NEGR1: variants seen among roughly 807,000 people sequenced by gnomAD.
NEGR1 encodes neuronal growth regulator 1, also known as IgLON family member 4.
Under a neutral mutation model 40.9 loss-of-function variants are expected in NEGR1, and 10 were observed. The observed-to-expected ratio is 0.24, with a 90% CI of 0.15 to 0.42. NEGR1 has a LOEUF of 0.42. Ranked by LOEUF, NEGR1 falls within the 10% of genes least tolerant of loss-of-function variation. NEGR1 has a pLI of 1.00. For missense variants in NEGR1, 352 were observed against 438.9 expected (o/e 0.80, Z 1.77); for synonymous variants, 185 against 166.8 (o/e 1.11, Z -0.84).
At chr1:71,471,966 C>T (rs1324486891) in intron 6 of NEGR1, among the ~76,000 whole-genome samples, 3 of 152,098 alleles carry the variant, frequency 2.0e-5, no homozygotes, top group African/African-American at 7.2e-5. Context: ...CCTTTTACCT[C>T]CCCTGTGTTC....
At chr1:71,942,452 A>AATCTATATATATATATATAT (rs1645968359) in intron 1 of NEGR1, among the ~76,000 whole-genome samples, 2 of 34,262 alleles carry the variant, frequency 5.8e-5, no homozygotes, top group African/African-American at 1.9e-4. Context: ...AAATTCTTTA[A>AATCTATATATATATATATAT]ATCTATATAT....
intron 1 of NEGR1, among the ~76,000 whole-genome samples, chr1:72,157,250 C>T (rs1651394555): frequency 6.6e-6 from 1 of 152,106 alleles, no homozygotes; most frequent in African/African-American, 2.4e-5. Context: ...GGATTACAAG[C>T]GTGAGCCACC....
chr1:71,602,836 A>G lies in NEGR1; in HGVS notation c.788+8190T>C, dbSNP rs116426296. ...ATCTTTGTTTGACCCAATGTTTTCA[A>G]TGTAATAATATGTATTTGTGTCTCA... On this transcript the variant is annotated intron_variant, in intron 5 of 6. Transcript: ENST00000357731. Among the ~76,000 whole-genome samples the G allele has an allele frequency of 6.7e-3, 1,022 of 152,238 alleles. 3 individuals carry two copies. The highest frequency in any genetic ancestry group is 0.01 in the Non-Finnish European group (700 of 68,024).
intron 2 of NEGR1, among the ~76,000 whole-genome samples, chr1:71,810,236 C>T (rs1657946373): frequency 6.6e-6 from 1 of 152,064 alleles, no homozygotes; most frequent in Non-Finnish European, 1.5e-5. Context: ...GACCTAATGG[C>T]TGTTTTCCTA....
chr1:71,951,361 T>A (rs1287555413), intron 1 of NEGR1, among the ~76,000 whole-genome samples: 1 of 151,982 alleles, frequency 6.6e-6, no homozygotes, highest in Non-Finnish European at 1.5e-5. Flanking sequence ...CAGGCAACTG[T>A]AACAGGCAAA....
intron 6 of NEGR1, among the ~76,000 whole-genome samples, chr1:71,436,525 C>T (rs1375020133): frequency 6.6e-6 from 1 of 152,106 alleles, no homozygotes; most frequent in African/African-American, 2.4e-5. Flanking sequence ...GAAACTAAAG[C>T]AAATGCAAAA....
chr1:71,513,618 T>C (rs572549862), intron 6 of NEGR1, among the ~76,000 whole-genome samples: 2 of 152,176 alleles, frequency 1.3e-5, no homozygotes, highest in African/African-American at 2.4e-5. Flanking sequence ...AAAGTCCTAT[T>C]AGGTATATGT....
chr1:71,444,852 A>G (rs907211329), intron 6 of NEGR1, among the ~76,000 whole-genome samples: 3 of 152,226 alleles, frequency 2.0e-5, no homozygotes, highest in Non-Finnish European at 4.4e-5. Context: ...CCAAAAGGCA[A>G]CAAACTAACA....
chr1:71,969,604 T>C (rs1646239558), intron 1 of NEGR1, among the ~76,000 whole-genome samples: 1 of 152,218 alleles, frequency 6.6e-6, no homozygotes, highest in Admixed American at 6.5e-5. Flanking sequence ...CTTCCACACT[T>C]ACCATTGGGG....
At chr1:71,548,065 T>G (rs561314698) in intron 6 of NEGR1, among the ~76,000 whole-genome samples, 189 of 151,710 alleles carry the variant, frequency 1.2e-3, no homozygotes, top group African/African-American at 4.5e-3. Flanking sequence ...TGATCAAACC[T>G]CAGATAACTA....
At position 72,244,257 on chromosome 1, in the gene NEGR1, C is replaced by T. The variant is rs114801582; in HGVS notation, c.176+38062G>A. 3.0e-3 allele frequency among the ~76,000 whole-genome samples: 457 copies of T among 151,678 alleles called. 3 individuals carry two copies. The highest frequency in any genetic ancestry group is 0.01 in the African/African-American group (435 of 41,448). On this transcript the variant is annotated intron_variant, in intron 1 of 6. Transcript: ENST00000357731. ...TAAGATATACACCTTTTGGAATTTT[C>T]GTCTCTTAAATAACTTATTTAAGGT... is the stretch of plus-strand genomic sequence containing the variant.
chr1:71,568,847 TG>T (rs1557570383), intron 6 of NEGR1, among the ~76,000 whole-genome samples: 19 of 151,450 alleles, frequency 1.3e-4, no homozygotes, highest in African/African-American at 4.1e-4. Flanking sequence ...TGTGTGTGTG[TG>T]TGTGTGTGTG....
At chr1:72,244,416 T>C (rs955716229) in intron 1 of NEGR1, among the ~76,000 whole-genome samples, 6 of 151,982 alleles carry the variant, frequency 3.9e-5, no homozygotes, top group African/African-American at 7.2e-5. Flanking sequence ...AATATGTACA[T>C]ACATATGTAT....
At chr1:72,262,456 T>C (rs1655490985) in intron 1 of NEGR1, among the ~76,000 whole-genome samples, 1 of 152,040 alleles carries the variant, frequency 6.6e-6, no homozygotes, top group African/African-American at 2.4e-5. Context: ...TCTTCTGTTG[T>C]TGTCTGTTTT....
intron 4 of NEGR1, among the ~76,000 whole-genome samples, chr1:71,689,905 C>T (rs984543121): frequency 1.3e-5 from 2 of 151,270 alleles, no homozygotes; most frequent in African/African-American, 2.4e-5. Context: ...AGATATTTAA[C>T]GTTATTTTAA....
intron 1 of NEGR1, among the ~76,000 whole-genome samples, chr1:71,950,474 A>G (rs1376242907): frequency 2.0e-5 from 3 of 152,056 alleles, no homozygotes; most frequent in Non-Finnish European, 2.9e-5. Context: ...AAATATTTTC[A>G]TCCTCAAATA....
At chr1:72,004,834 C>T (rs1051796015) in intron 1 of NEGR1, among the ~76,000 whole-genome samples, 9 of 152,036 alleles carry the variant, frequency 5.9e-5, no homozygotes, top group Non-Finnish European at 1.0e-4. Context: ...ATTCAGGCTT[C>T]ATTAGCCTGA....
rs79085555 is a variant in NEGR1, at chr1:71,524,143, G to T, written c.940+68674C>A. Among the ~76,000 whole-genome samples the T allele has an allele frequency of 1.1e-4, 17 of 151,884 alleles. No homozygotes were observed. The East Asian group carries it at 2.3e-3, about 21-fold the overall frequency. On this transcript the variant is annotated intron_variant, in intron 6 of 6. Coordinates refer to ENST00000357731, the MANE Select transcript of NEGR1 (RefSeq NM_173808.3). The stretch of plus-strand genomic sequence containing the variant: ...CCAGGAAAGAAACTATTTCCTACAT[G>T]CATTATTGAAAGACTAATCATTTAT...
chr1:71,547,058 C>T (rs1647923279), intron 6 of NEGR1, among the ~76,000 whole-genome samples: 1 of 151,662 alleles, frequency 6.6e-6, no homozygotes, highest in Non-Finnish European at 1.5e-5. Flanking sequence ...ATTTTTAAAA[C>T]AAATTTTCTA....
Sources: gnomAD v4.1 joint callset for allele counts (sites outside exome capture counted in the v4.1 genomes callset) on GRCh38, gnomAD v4.1.1 for gene constraint, MANE v1.5 for transcripts, NCBI Gene and HGNC (gene_info 2026-07-23, HGNC 2026-07-21) for gene names.